Variants in TOGARAM2 observed in about 807,000 individuals in gnomAD.
TOGARAM2 encodes the protein TOG array regulator of axonemal microtubules 2.
Under a neutral mutation model 93.3 loss-of-function variants are expected in TOGARAM2, and 85 were observed. The observed-to-expected ratio is 0.91, with a 90% confidence interval of 0.76 to 1.09. The LOEUF is 1.09. TOGARAM2 is among the 50% of genes least tolerant of loss of function. The pLI is 0.00. For synonymous variants in TOGARAM2, 593 were observed against 552.8 expected, an observed-to-expected ratio of 1.07 and a Z score of -1.02; for missense variants, 1,277 against 1,334.5, an observed-to-expected ratio of 0.96 and a Z score of 0.67.
At chr2:29,005,302 G>C (rs1230380910) in intron 6 of TOGARAM2, among the ~76,000 whole-genome samples, 2 of 81,270 alleles carry the variant, frequency 2.5e-5, no homozygotes, top group African/African-American at 6.9e-5. Flanking sequence ...GTGCATGTGT[G>C]TGTGTGGGGT....
intron 19 of TOGARAM2, chr2:29,046,420 G>A (rs1666747936): frequency 6.6e-6 from 1 of 152,244 alleles, no homozygotes; most frequent in African/African-American, 2.4e-5. Context: ...GTCCCATCTA[G>A]GGAGGGGGGC....
intron 1 of TOGARAM2, among the ~76,000 whole-genome samples, chr2:28,966,312 T>C (rs1168711663): frequency 6.6e-6 from 1 of 152,090 alleles, no homozygotes; most frequent in African/African-American, 2.4e-5. Context: ...TATTTATTTA[T>C]TTTTGAGATG....
At chr2:29,006,974 A>G (rs1057220059) in intron 6 of TOGARAM2, among the ~76,000 whole-genome samples, 4 of 151,914 alleles carry the variant, frequency 2.6e-5, no homozygotes, top group African/African-American at 4.8e-5. Context: ...ATGGCCCTTG[A>G]ATTTTTCTTC....
intron 19 of TOGARAM2, chr2:29,047,321 C>T (rs554217191): frequency 6.6e-6 from 1 of 152,336 alleles, no homozygotes; most frequent in South Asian, 2.1e-4. Flanking sequence ...TTTACCTGTC[C>T]TTGTCTGGGT....
At position 29,052,186 on chromosome 2, in the gene TOGARAM2, T is replaced by C; in HGVS notation, c.*93T>C. The C allele has an allele frequency of 2.1e-6, 2 of 973,442 alleles. No homozygotes were observed. The highest frequency in any genetic ancestry group is 5.0e-5 in the South Asian group (2 of 40,224). 60.3% of individuals were successfully genotyped at this position (973,442 alleles called of 1,614,324 possible). ...TCCCCCTTAGAGTTCCAGATGTACA[T>C]GGTATATTTTGAAGTAGAAATAAAA... is the stretch of plus-strand genomic sequence containing the variant. On this transcript the variant is annotated 3_prime_UTR_variant, in exon 20 of 20. Transcript: ENST00000379558.
At chr2:29,050,171 A>G (rs1389495942) in intron 19 of TOGARAM2, 4 of 152,094 alleles carry the variant, frequency 2.6e-5, no homozygotes, top group African/African-American at 4.8e-5. Flanking sequence ...GGGTAACATA[A>G]TGAGACCCCC....
chr2:28,998,026 T>C, intron 2 of TOGARAM2, 117 bp from the exon 3 acceptor site: 1 of 631,676 alleles, frequency 1.6e-6, no homozygotes, highest in South Asian at 2.4e-5. Context: ...CTTGGTTTTT[T>C]GGGCAGGGAC....
At chr2:29,026,394 C>G (rs1158186200) in intron 13 of TOGARAM2, among the ~76,000 whole-genome samples, 2 of 152,206 alleles carry the variant, frequency 1.3e-5, no homozygotes, top group Non-Finnish European at 2.9e-5. Flanking sequence ...GATGGGGGCC[C>G]TAAGGGTGCA....
upstream of TOGARAM2, among the ~76,000 whole-genome samples, chr2:28,978,325 G>GGGA (rs10635960): frequency 0.35 from 53,670 of 151,818 alleles, 9,798 homozygotes; most frequent in African/African-American, 0.43. Flanking sequence ...CCAGAGCAAG[G>GGGA]GGAGAAGACC....
At chr2:29,006,026 ATATGTATGTGAGTGCATGTGT>A (rs1663767771) in intron 6 of TOGARAM2, among the ~76,000 whole-genome samples, 1 of 134,924 alleles carries the variant, frequency 7.4e-6, no homozygotes, top group African/African-American at 2.8e-5. Flanking sequence ...GTGTGAGACC[ATATGTATGTGAGTGCATGTGT>A]GGAGTGTGTG....
At chr2:29,010,454 G>A (rs1036926861) in intron 6 of TOGARAM2, among the ~76,000 whole-genome samples, 1 of 152,092 alleles carries the variant, frequency 6.6e-6, no homozygotes, top group South Asian at 2.1e-4. Context: ...TTGAAGCTCC[G>A]CTCCTCCTGT....
chr2:28,967,054 C>T (rs879414670), intron 1 of TOGARAM2, among the ~76,000 whole-genome samples: 4 of 152,296 alleles, frequency 2.6e-5, no homozygotes, highest in Admixed American at 6.5e-5. Context: ...AAAAGGAAAG[C>T]GGCAGCTTTT....
chr2:28,990,119 C>T (rs1672650108), intron 1 of TOGARAM2, among the ~76,000 whole-genome samples: 1 of 152,150 alleles, frequency 6.6e-6, no homozygotes, highest in Non-Finnish European at 1.5e-5. Flanking sequence ...TGATTGGAAG[C>T]ATGGGTAGCT....
rs1672188898 is a variant in TOGARAM2 at position 28,981,444 on chromosome 2, C to G, written c.-205C>G. ...TGGGCCAGGCCTGGGGCTGCCCCGT[C>G]CTTGCCTCCCTGGGCCCATGAGCAT... On this transcript the variant is annotated 5_prime_UTR_variant, in exon 1 of 20. Coordinates refer to ENST00000379558, the MANE Select transcript of TOGARAM2 (RefSeq NM_199280.4). 6.6e-6 allele frequency: 1 copy of G among 152,436 alleles called. No homozygotes were observed. The highest frequency in any genetic ancestry group is 1.5e-5 in the Non-Finnish European group (1 of 68,224). The allele number at this position is 152,436 out of a possible 1,614,324, so 9.4% of individuals were successfully genotyped here.
At position 28,982,509 on chromosome 2, in the gene TOGARAM2, G is replaced by T. The variant is rs114905000; in HGVS notation, c.-111+971G>T. 5.3e-3 allele frequency among the ~76,000 whole-genome samples: 812 copies of T among 152,254 alleles called. 12 individuals are homozygous for T. Among genetic ancestry groups the T allele is most frequent in the African/African-American group, 0.019 (782 of 41,544 alleles). ...CTCTTCTCACCAATGCCCTGCAGGAGACGGCCCTGCAGCCTTCTAGCCACA... is the reference window on the plus strand; with the variant it reads ...CTCTTCTCACCAATGCCCTGCAGGATACGGCCCTGCAGCCTTCTAGCCACA... On this transcript the variant is annotated intron_variant, in intron 1 of 19. Transcript: ENST00000379558.
chr2:29,014,607 G>A (rs187753778), intron 8 of TOGARAM2, 46 bp downstream of exon 8: 373 of 1,540,770 alleles, frequency 2.4e-4, no homozygotes, highest in Middle Eastern at 1.4e-3. Context: ...GGAGTGGACC[G>A]CAGGCTGCAG....
rs549966057 is a variant in TOGARAM2, at chr2:28,984,088, TC to T, written c.-111+2552del. 6.5e-3 allele frequency among the ~76,000 whole-genome samples: 989 copies of T among 151,974 alleles called. 12 individuals carry two copies. The highest frequency in any genetic ancestry group is 0.023 in the African/African-American group (938 of 41,422). ...TTCTTCTTGGAGAACCAATCACTAT[TC>T]CACATACTTCTTAGTGTTTGAATTA... On this transcript the variant is annotated intron_variant, in intron 1 of 19. Transcript: ENST00000379558.
chr2:29,009,240 C>T (rs76488705), intron 6 of TOGARAM2, among the ~76,000 whole-genome samples: 3,310 of 152,242 alleles, frequency 0.022, 60 homozygotes, highest in Non-Finnish European at 0.032. Flanking sequence ...GAGGGAGAGA[C>T]GGAAGGAGGA....
At position 29,026,979 on chromosome 2, in the gene TOGARAM2, G is replaced by A. The variant is rs1665422750; in HGVS notation, c.1980G>A (p.Val660=). Residue 660 remains valine, a synonymous_variant, in exon 14 of 20, where the codon GTG becomes GTA. Transcript: ENST00000379558. ...DSTDMLVHNL[V]RLAQDSNQDT... is the part of the protein sequence containing the mutation. ...CAGACATGTTGGTGCACAACCTGGT[G>A]AGGCTGGCACAGGACTCCAACCAGG... The A allele has an allele frequency of 2.6e-6, 4 of 1,565,740 alleles. No individual in the cohort carries two copies. Among genetic ancestry groups the A allele is most frequent in the Non-Finnish European group, 2.6e-6 (3 of 1,155,190 alleles).
Sources: gnomAD v4.1 joint callset for allele counts (sites outside exome capture counted in the v4.1 genomes callset) on GRCh38, gnomAD v4.1.1 for gene constraint, MANE v1.5 for transcripts, NCBI Gene and HGNC (gene_info 2026-07-23, HGNC 2026-07-21) for gene names.